CLEC16A: variants seen among roughly 807,000 people sequenced by gnomAD.
CLEC16A encodes the protein protein CLEC16A.
CLEC16A carries 51 observed loss-of-function variants against 109.5 expected under a neutral mutation model. The ratio of observed to expected loss-of-function variants is 0.47; its 90% CI spans 0.37 to 0.59. The LOEUF is 0.59. Ranked by LOEUF, CLEC16A falls within the 20% of genes least tolerant of loss-of-function variation. CLEC16A has a pLI of 0.00. For missense variants in CLEC16A, 1,339 were observed against 1,394.0 expected (o/e 0.96, Z 0.63); for synonymous variants, 673 against 564.2 (o/e 1.19, Z -2.73).
At chr16:10,985,523 G>C (rs2043590448) in intron 10 of CLEC16A, among the ~76,000 whole-genome samples, 1 of 149,042 alleles carries the variant, frequency 6.7e-6, no homozygotes, top group Admixed American at 6.9e-5. Context: ...AATAGCAACT[G>C]GAGATGTACT....
intron 19 of CLEC16A, among the ~76,000 whole-genome samples, chr16:11,092,123 A>G (rs1299480153): frequency 6.6e-6 from 1 of 152,134 alleles, no homozygotes; most frequent in African/African-American, 2.4e-5. Flanking sequence ...AGGTGGACAG[A>G]TCACTTGAGG....
chr16:11,072,225 G>A (rs563920610), intron 19 of CLEC16A, among the ~76,000 whole-genome samples: 5 of 152,150 alleles, frequency 3.3e-5, no homozygotes, highest in Admixed American at 2.6e-4. Flanking sequence ...GGCCTCAAGC[G>A]ATCCTCCCAC....
intron 19 of CLEC16A, among the ~76,000 whole-genome samples, chr16:11,102,883 A>T (rs1204339119): frequency 6.6e-6 from 1 of 152,160 alleles, no homozygotes; most frequent in Non-Finnish European, 1.5e-5. Flanking sequence ...TATCACCTCT[A>T]TTTGCTGATG....
intron 7 of CLEC16A, among the ~76,000 whole-genome samples, chr16:10,975,842 G>C (rs571767210): frequency 2.0e-5 from 3 of 151,814 alleles, no homozygotes; most frequent in African/African-American, 7.3e-5. Context: ...TAGTAGAGAC[G>C]GGTTTCACCA....
chr16:11,104,934 G>T (rs779122866), intron 19 of CLEC16A, among the ~76,000 whole-genome samples: 1 of 152,206 alleles, frequency 6.6e-6, no homozygotes, highest in Admixed American at 6.5e-5. Flanking sequence ...GGATACCCTT[G>T]TTCCTGGGCT....
intron 22 of CLEC16A, among the ~76,000 whole-genome samples, chr16:11,165,205 T>C (rs1359500028): frequency 6.6e-6 from 1 of 151,978 alleles, no homozygotes; most frequent in African/African-American, 2.4e-5. Flanking sequence ...AAAGAACACG[T>C]ATCGGCCAGG....
chr16:11,031,487 T>C (rs564683599), intron 13 of CLEC16A, among the ~76,000 whole-genome samples: 4 of 152,202 alleles, frequency 2.6e-5, no homozygotes, highest in Non-Finnish European at 5.9e-5. Flanking sequence ...ATCCTACCTC[T>C]TTTTCTTGGG....
chr16:11,130,993 C>T (rs1448911711), intron 22 of CLEC16A, among the ~76,000 whole-genome samples: 1 of 152,128 alleles, frequency 6.6e-6, no homozygotes, highest in Non-Finnish European at 1.5e-5. Flanking sequence ...AGGTGACTAG[C>T]CACTTTGGTG....
rs909038727 is a variant in CLEC16A at position 11,174,095 on chromosome 16, G to A, written c.2807-4240G>A. 1.8e-5 allele frequency: 8 copies of A among 443,524 alleles called. 1 individual carries two copies. The East Asian group carries it at 2.9e-4, about 16-fold the overall frequency. 27.5% of individuals were successfully genotyped at this position (443,524 alleles called of 1,614,324 possible). A position where few individuals can be genotyped will look rare whatever the true frequency, so the allele number is the denominator to read the frequency against. On this transcript the variant is annotated intron_variant, in intron 23 of 23. Transcript: ENST00000409790. This position sits in a 1 kb window ranked among gnomAD's most constrained non-coding sequence, Gnocchi z 4.7. Reference sequence around the variant, plus strand: ...TGCTGCTCAGTGTCCCCTCCATGTCGCCTCTGCCGTCCCATTGTTAAAGGC... The same window carrying A: ...TGCTGCTCAGTGTCCCCTCCATGTCACCTCTGCCGTCCCATTGTTAAAGGC...
At chr16:10,951,610 C>G (rs535383329) in intron 1 of CLEC16A, among the ~76,000 whole-genome samples, 2 of 152,070 alleles carry the variant, frequency 1.3e-5, no homozygotes, top group African/African-American at 4.8e-5. Context: ...CCCAAAGGGT[C>G]GATTGTTTCT....
In CLEC16A at chr16:11,020,180, T is replaced by C. The variant is rs200678636; in HGVS notation, c.1304-13T>C. 126 of 1,604,874 alleles carry C rather than the reference T, an allele frequency of 7.9e-5. 1 individual carries two copies. The South Asian group carries it at 1.3e-3, about 17-fold the overall frequency. ...CTGTCTGGACTCATCCCAGTCTCCA[T>C]TTTGGCTTCCAGAGATCGAGATGGT... On this transcript the variant is annotated splice_polypyrimidine_tract_variant and intron_variant, in intron 11 of 23. Coordinates refer to ENST00000409790, the MANE Select transcript of CLEC16A (RefSeq NM_015226.3).
chr16:11,132,643 T>C (rs185490589), intron 22 of CLEC16A, among the ~76,000 whole-genome samples: 9 of 152,350 alleles, frequency 5.9e-5, no homozygotes, highest in Admixed American at 2.6e-4. Flanking sequence ...CGTTTTCCCA[T>C]GGTCTTCATA....
At position 11,165,548 on chromosome 16, in the gene CLEC16A, T is replaced by C. The variant is rs114874889; in HGVS notation, c.2642-840T>C. On this transcript the variant is annotated intron_variant, in intron 22 of 23. Coordinates refer to ENST00000409790, the MANE Select transcript of CLEC16A (RefSeq NM_015226.3). ...AGCTCTCACCATGTGCCACACCCTGTTCTGGGGTGTGATAATAGTTCTTTC... is the reference window on the plus strand; with the variant it reads ...AGCTCTCACCATGTGCCACACCCTGCTCTGGGGTGTGATAATAGTTCTTTC... Among the ~76,000 whole-genome samples, 1,186 of 152,216 alleles carry C rather than the reference T, an allele frequency of 7.8e-3. 16 individuals are homozygous for C. Among genetic ancestry groups the C allele is most frequent in the African/African-American group, 0.028 (1,143 of 41,536 alleles).
At chr16:11,138,563 A>G (rs959462041) in intron 22 of CLEC16A, among the ~76,000 whole-genome samples, 2 of 152,190 alleles carry the variant, frequency 1.3e-5, no homozygotes, top group South Asian at 4.1e-4. Context: ...CCTTCACTGC[A>G]TGCTCACAGC....
intron 10 of CLEC16A, among the ~76,000 whole-genome samples, chr16:10,997,749 G>A (rs1385089339): frequency 6.6e-6 from 1 of 152,230 alleles, no homozygotes; most frequent in African/African-American, 2.4e-5. Context: ...ACTGTTCTCA[G>A]TTTGTATATT....
intron 19 of CLEC16A, among the ~76,000 whole-genome samples, chr16:11,064,064 A>G (rs532278153): frequency 2.0e-5 from 3 of 152,326 alleles, no homozygotes; most frequent in African/African-American, 4.8e-5. Flanking sequence ...ATGAATCTCC[A>G]TATACCCAGC....
Position 11,042,328 on chromosome 16 carries a change from T to C in CLEC16A, c.1735T>C (p.Cys579Arg). 1 of 1,593,170 alleles carries C rather than the reference T, an allele frequency of 6.3e-7. No homozygotes were observed. The highest frequency in any genetic ancestry group is 8.5e-7 in the Non-Finnish European group (1 of 1,170,184). ...GCAGCAAGTCCTGATGAGTGCTGGC[T>C]GCATCATGAAGGACGTGCACCTGGC... ...LKQQVLMSAG[C>R]IMKDVHLACL... The change falls in exon 15 of 24, where the codon TGC (cysteine) becomes CGC (arginine). Residue 579 changes from cysteine (C) to arginine (R), a missense_variant. By Grantham distance (180) the Cys-to-Arg change is radical (BLOSUM62 -3). Around this residue, in one of 3 missense-constraint regions of CLEC16A, gnomAD observed 1,061 missense variants for 1,006.8 expected, o/e 1.05. Coordinates refer to ENST00000409790, the MANE Select transcript of CLEC16A (RefSeq NM_015226.3).
At position 11,181,346 on chromosome 16, in the gene CLEC16A, C is replaced by T. The variant is rs547683474; in HGVS notation, c.*2656C>T. ...AGGCCCACAGTGGGGGCTGTGGCTT[C>T]TGACACTCAGGTCATAGCCTCAGAG... is the stretch of plus-strand genomic sequence containing the variant. On this transcript the variant is annotated 3_prime_UTR_variant, in exon 24 of 24. Coordinates refer to ENST00000409790, the MANE Select transcript of CLEC16A (RefSeq NM_015226.3). 6.6e-6 allele frequency: 1 copy of T among 152,482 alleles called. No individual in the cohort carries two copies. Among genetic ancestry groups the T allele is most frequent in the Non-Finnish European group, 1.5e-5 (1 of 68,160 alleles). The allele number at this position is 152,482 out of a possible 1,614,324, so 9.4% of individuals were successfully genotyped here.
At chr16:11,168,685 C>T (rs2068375842) in intron 23 of CLEC16A, among the ~76,000 whole-genome samples, 1 of 152,262 alleles carries the variant, frequency 6.6e-6, no homozygotes, top group African/African-American at 2.4e-5. Context: ...CCTGCAATCT[C>T]CCTCCCAGTC....
Sources: allele counts gnomAD v4.1 joint callset (sites outside exome capture counted in the v4.1 genomes callset), GRCh38; gene constraint gnomAD v4.1.1; regional missense constraint gnomAD v4.1.1; non-coding constraint Gnocchi (gnomAD v3.1); transcripts MANE v1.5; gene names NCBI Gene and HGNC (gene_info 2026-07-23, HGNC 2026-07-21).